SLC3A2: variants seen among roughly 807,000 people sequenced by gnomAD.
The protein encoded by SLC3A2 is solute carrier family 3 member 2.
SLC3A2 carries 32 observed loss-of-function variants against 48.5 expected under a neutral mutation model. The ratio of observed to expected loss-of-function variants is 0.66; its 90% CI spans 0.50 to 0.89. The LOEUF (loss-of-function observed/expected upper bound fraction) is 0.89, where lower values mean the gene tolerates loss of function less well. Among genes scored for constraint, SLC3A2 ranks in the 40% least tolerant of loss-of-function variants. The pLI is 0.00. For missense variants in SLC3A2, 587 were observed against 680.7 expected (o/e 0.86, Z 1.53); for synonymous variants, 277 against 288.8 (o/e 0.96, Z 0.41).
At chr11:62,878,467 T>C (rs2085592263), upstream of SLC3A2, among the ~76,000 whole-genome samples, 1 of 151,368 alleles carries the variant, frequency 6.6e-6, no homozygotes, top group Non-Finnish European at 1.5e-5. Flanking sequence ...TTACAGATGA[T>C]AATTTTTTTT....
chr11:62,869,558 C>G (rs58652359), intron 1 of SLC3A2, among the ~76,000 whole-genome samples: 1,397 of 137,692 alleles, frequency 0.01, 15 homozygotes, highest in African/African-American at 0.035. Flanking sequence ...AATAGAATTT[C>G]TATTTGGTGA....
At chr11:62,882,432 G>T (rs2085654531) in intron 2 of SLC3A2, 1 of 262,838 alleles carries the variant, frequency 3.8e-6, no homozygotes, top group Admixed American at 5.0e-5. Flanking sequence ...TTCACTTTGG[G>T]AGTGGGGAAC....
chr11:62,887,172 T>TA (rs2085725524), intron 7 of SLC3A2, among the ~76,000 whole-genome samples: 2 of 152,094 alleles, frequency 1.3e-5, no homozygotes, highest in African/African-American at 2.4e-5. Context: ...TATGCATAAA[T>TA]AAAACGCCAG....
chr11:62,856,349 G>C, exon 1 of SLC3A2: 1 of 1,612,980 alleles, frequency 6.2e-7, no homozygotes, highest in Non-Finnish European at 8.5e-7. Flanking sequence ...TCGGAGGCTG[G>C]TGTCCAGGGT....
At chr11:62,880,818 C>T (rs577205924), upstream of SLC3A2, 61 of 1,134,926 alleles carry the variant, frequency 5.4e-5, no homozygotes, top group South Asian at 9.4e-4. Context: ...CTGGGGCAGT[C>T]CCCGAGGTTC....
chr11:62,880,938 A>G lies in SLC3A2; in HGVS notation c.-86A>G, dbSNP rs1330381211. On this transcript the variant is annotated 5_prime_UTR_variant, in exon 1 of 9. Coordinates refer to ENST00000338663, the MANE Select transcript of SLC3A2 (RefSeq NM_001013251.3). Reference sequence around the variant, plus strand: ...CTGCGCGGAGGCACAGAGGCCGGGGAGAGCGTTCTGGGTCCGAGGGTCCAG... The same window carrying G: ...CTGCGCGGAGGCACAGAGGCCGGGGGGAGCGTTCTGGGTCCGAGGGTCCAG... The G allele has an allele frequency of 2.7e-6, 4 of 1,477,516 alleles. No individual in the cohort carries two copies. The African/African-American group carries it at 5.6e-5, about 21-fold the overall frequency. 91.5% of individuals were successfully genotyped at this position (1,477,516 alleles called of 1,614,324 possible).
chr11:62,857,070 G>T (rs2085337637), intron 1 of SLC3A2, among the ~76,000 whole-genome samples: 1 of 152,006 alleles, frequency 6.6e-6, no homozygotes, highest in Non-Finnish European at 1.5e-5. Context: ...TGATCCGCCT[G>T]CCTCGGCCTC....
chr11:62,865,391 A>C lies in SLC3A2; in HGVS notation c.112+9010A>C, dbSNP rs1590619369. 3.3e-5 allele frequency among the ~76,000 whole-genome samples: 5 copies of C among 152,040 alleles called. No homozygotes were observed. The South Asian group carries it at 1.0e-3, about 32-fold the overall frequency. On this transcript the variant is annotated intron_variant, in intron 1 of 9. Transcript: ENST00000377889. Reference sequence around the variant, plus strand: ...AATGTGGCGAAACCCCATCTCTACTAAAAATACAAAAATTAGCTGGGCATG... The same window carrying C: ...AATGTGGCGAAACCCCATCTCTACTCAAAATACAAAAATTAGCTGGGCATG...
chr11:62,877,063 C>CT (rs71691999), upstream of SLC3A2, among the ~76,000 whole-genome samples: 6,386 of 134,140 alleles, frequency 0.048, 233 homozygotes, highest in African/African-American at 0.099. Flanking sequence ...TCTTCCTTTT[C>CT]TTTTTTTTTT....
At chr11:62,862,220 G>A (rs1291512542) in intron 1 of SLC3A2, among the ~76,000 whole-genome samples, 3 of 149,916 alleles carry the variant, frequency 2.0e-5, no homozygotes, top group Non-Finnish European at 3.0e-5. Context: ...GGGAGGCTGA[G>A]GCATAAGAAT....
At chr11:62,886,134 A>G (rs570189538) in intron 7 of SLC3A2, among the ~76,000 whole-genome samples, 1 of 152,264 alleles carries the variant, frequency 6.6e-6, no homozygotes, top group Admixed American at 6.5e-5. Flanking sequence ...TACTAAAAAT[A>G]CAAAAATTAG....
At chr11:62,871,537 A>G (rs915170448) in intron 1 of SLC3A2, 4 of 605,608 alleles carry the variant, frequency 6.6e-6, no homozygotes, top group Non-Finnish European at 1.2e-5. Flanking sequence ...ACTGTGCCCA[A>G]CCATACTTTA....
rs765733324 is a variant in SLC3A2, at chr11:62,881,893, G to T, written c.425G>T (p.Gly142Val). 65 of 1,613,768 alleles carry T rather than the reference G, an allele frequency of 4.0e-5. 1 individual carries two copies. The South Asian group carries it at 7.0e-4, about 17-fold the overall frequency. ...CTTGTTAACCCAGCCCCCATTTCAG[G>T]TCTGAAGGGGCGTCTCGATTACCTG... ...FQGHGAGNLA[G>V]LKGRLDYLSS... Residue 142 changes from glycine to valine, a missense_variant and splice_region_variant, in exon 2 of 9, where the codon GGT becomes GTT. Coordinates refer to ENST00000338663, the MANE Select transcript of SLC3A2 (RefSeq NM_001013251.3). This position sits in a 1 kb window ranked among gnomAD's most constrained non-coding sequence, Gnocchi z 4.0.
chr11:62,880,709 G>C (rs1217683223), upstream of SLC3A2: 2 of 305,558 alleles, frequency 6.5e-6, no homozygotes, highest in African/African-American at 4.3e-5. Flanking sequence ...AGGTTGAAAA[G>C]AACTTTAGGG....
chr11:62,860,413 G>C lies in SLC3A2; in HGVS notation c.112+4032G>C, dbSNP rs561578470. Among the ~76,000 whole-genome samples the C allele has an allele frequency of 3.3e-5, 5 of 151,352 alleles. No homozygotes were observed. The South Asian group carries it at 1.0e-3, about 32-fold the overall frequency. ...CCAGCTACTTGGGAGGCTGAGGCAG[G>C]AGAATGGTGTGAAACCTGGGCGACA... On this transcript the variant is annotated intron_variant, in intron 1 of 9. Transcript: ENST00000377889.
At position 62,864,758 on chromosome 11, in the gene SLC3A2, G is replaced by A. The variant is rs531942559; in HGVS notation, c.112+8377G>A. Among the ~76,000 whole-genome samples, 15 of 147,454 alleles carry A rather than the reference G, an allele frequency of 1.0e-4. 1 individual carries two copies. In the South Asian group the frequency reaches 3.2e-3, roughly 32 times the overall value. On this transcript the variant is annotated intron_variant, in intron 1 of 9. Coordinates refer to the SLC3A2 transcript ENST00000377889. ...TGGGATTACAGGTGTGAGCCACCAC[G>A]CCCGGCCGCTAATTTTTTTTTTTGT... is the stretch of plus-strand genomic sequence containing the variant.
chr11:62,888,565 C>T lies in SLC3A2; in HGVS notation c.1462C>T (p.Leu488=), dbSNP rs372443333. 8 of 1,614,040 alleles carry T rather than the reference C, an allele frequency of 5.0e-6. No individual in the cohort carries two copies. In the East Asian group the frequency reaches 8.9e-5, roughly 18 times the overall value. The change falls in exon 9 of 9, where the codon CTG becomes TTG. Residue 488 remains leucine, a synonymous_variant. Coordinates refer to ENST00000338663, the MANE Select transcript of SLC3A2 (RefSeq NM_001013251.3). ...QASDLPASAS[L]PAKADLLLST... is the part of the protein sequence containing the mutation. ...CTCCGACCTGCCTGCCAGCGCCAGC[C>T]TGCCAGCCAAGGCTGACCTCCTGCT... is the stretch of plus-strand genomic sequence containing the variant.
chr11:62,888,025 G>A (rs1054876047), intron 7 of SLC3A2, 110 bp from the exon 8 acceptor site: 14 of 932,686 alleles, frequency 1.5e-5, no homozygotes, highest in Non-Finnish European at 2.4e-5. Flanking sequence ...CAAATGCCTG[G>A]GCTCAAGCAA....
At chr11:62,882,166 G>A in intron 2 of SLC3A2, 100 bp downstream of exon 2, 2 of 1,389,140 alleles carry the variant, frequency 1.4e-6, no homozygotes, top group Non-Finnish European at 2.0e-6. Context: ...CTGGCTCTGA[G>A]TTTTCCTAGG....
Sources: allele counts gnomAD v4.1 joint callset (sites outside exome capture counted in the v4.1 genomes callset), GRCh38; gene constraint gnomAD v4.1.1; non-coding constraint Gnocchi (gnomAD v3.1); transcripts MANE v1.5; gene names NCBI Gene and HGNC (gene_info 2026-07-23, HGNC 2026-07-21).